Variants in TLN2 observed in about 807,000 individuals in gnomAD.
TLN2 encodes the protein talin-2.
A neutral mutation model predicts 294.7 loss-of-function variants in TLN2; 118 were observed. The ratio of observed to expected loss-of-function variants is 0.40; its 90% CI spans 0.34 to 0.47. The LOEUF is 0.47. Among genes scored for constraint, TLN2 ranks in the 20% least tolerant of loss-of-function variants. TLN2 has a pLI of 0.84. For synonymous variants in TLN2, 1,431 were observed against 1,304.5 expected (o/e 1.10, Z -2.09); for missense variants, 3,083 against 3,282.2 (o/e 0.94, Z 1.48).
intron 5 of TLN2, among the ~76,000 whole-genome samples, chr15:62,651,194 TC>T (rs1237938831): frequency 6.6e-6 from 1 of 152,226 alleles, no homozygotes; most frequent in Non-Finnish European, 1.5e-5. Flanking sequence ...CTGCTAATTC[TC>T]CTTAGAGCAG....
At chr15:62,479,348 T>C (rs1595897036) in intron 1 of TLN2, among the ~76,000 whole-genome samples, 1 of 152,332 alleles carries the variant, frequency 6.6e-6, no homozygotes, top group East Asian at 1.9e-4. Flanking sequence ...GCTATGCCCT[T>C]AGACTGGTGT....
chr15:62,801,287 G>C (rs2065911270), intron 50 of TLN2, among the ~76,000 whole-genome samples: 1 of 152,160 alleles, frequency 6.6e-6, no homozygotes, highest in Non-Finnish European at 1.5e-5. Flanking sequence ...AATTGACCCT[G>C]TTCTTTTCTG....
At chr15:62,740,860 G>C in intron 32 of TLN2, 91 bp downstream of exon 32, 2 of 1,549,928 alleles carry the variant, frequency 1.3e-6, no homozygotes, top group Non-Finnish European at 1.8e-6. Context: ...CTTTTGCTGA[G>C]CAAAAGAATT....
intron 1 of TLN2, among the ~76,000 whole-genome samples, chr15:62,437,966 A>G (rs1226897026): frequency 1.3e-5 from 2 of 152,192 alleles, no homozygotes; most frequent in East Asian, 3.8e-4. Flanking sequence ...CCACACATCT[A>G]TGGACCATCC....
chr15:62,631,269 T>G (rs553115088), intron 3 of TLN2, among the ~76,000 whole-genome samples: 39 of 152,220 alleles, frequency 2.6e-4, no homozygotes, highest in African/African-American at 8.4e-4. Flanking sequence ...CTCTTAATAC[T>G]GTTGTATTGG....
chr15:62,444,085 G>A (rs995613444), intron 1 of TLN2, among the ~76,000 whole-genome samples: 25 of 152,232 alleles, frequency 1.6e-4, no homozygotes, highest in African/African-American at 6.0e-4. Context: ...ACCGATGTGA[G>A]CCTTGGAGGG....
Position 62,605,167 on chromosome 15 carries a change from A to G in TLN2, c.-161-13184A>G, listed in dbSNP as rs564117175. Among the ~76,000 whole-genome samples the G allele has an allele frequency of 5.9e-5, 9 of 152,314 alleles. No individual in the cohort carries two copies. The South Asian group carries it at 1.9e-3, about 32-fold the overall frequency. On this transcript the variant is annotated intron_variant, in intron 2 of 58. Coordinates refer to ENST00000636159, the MANE Select transcript of TLN2 (RefSeq NM_015059.3). ...GCTGAATATATTAGAAAGTAGGTCA[A>G]ATTTTCTCATGTTTATGAATGAGGT...
chr15:62,839,802 C>A (rs1417597899), intron 58 of TLN2, among the ~76,000 whole-genome samples: 1 of 152,190 alleles, frequency 6.6e-6, no homozygotes, highest in Non-Finnish European at 1.5e-5. Flanking sequence ...TGAGAAGTTT[C>A]ACAGAGAAGG....
Position 62,415,205 on chromosome 15 carries a change from G to A in TLN2, c.-238+24520G>A, listed in dbSNP as rs542963389. 3.5e-5 allele frequency among the ~76,000 whole-genome samples: 5 copies of A among 141,690 alleles called. 2 individuals are homozygous for A. In the East Asian group the frequency reaches 1.7e-3, roughly 49 times the overall value. The allele number at this position is 141,690 out of a possible 152,430, so 93.0% of individuals were successfully genotyped here. ...TTACAGGCGTGAGCCACTGTGTCAA[G>A]GATGCCTTTGATAGTCATGTTCCTA... On this transcript the variant is annotated intron_variant, in intron 1 of 58. Transcript: ENST00000636159.
At chr15:62,451,471 AT>A (rs1387252976) in intron 1 of TLN2, among the ~76,000 whole-genome samples, 1 of 152,154 alleles carries the variant, frequency 6.6e-6, no homozygotes, top group Non-Finnish European at 1.5e-5. Flanking sequence ...CCTGGCTAAC[AT>A]GGGTGAAACC....
intron 58 of TLN2, among the ~76,000 whole-genome samples, chr15:62,839,971 AG>A (rs1455477914): frequency 2.9e-4 from 44 of 152,302 alleles, no homozygotes; most frequent in African/African-American, 1.0e-3. Context: ...CCTATCAGCA[AG>A]TCTTCCTCAG....
intron 52 of TLN2, among the ~76,000 whole-genome samples, chr15:62,812,100 C>G (rs75547755): frequency 0.078 from 11,933 of 152,106 alleles, 1,598 homozygotes; most frequent in African/African-American, 0.27. Flanking sequence ...GTGGGTGGTA[C>G]TTGCTAACGG....
chr15:62,492,679 C>T (rs1274706837), intron 1 of TLN2, among the ~76,000 whole-genome samples: 1 of 151,908 alleles, frequency 6.6e-6, no homozygotes, highest in African/African-American at 2.4e-5. Context: ...CGCATTTCCC[C>T]CCATAGATTC....
intron 25 of TLN2, among the ~76,000 whole-genome samples, chr15:62,722,047 C>G (rs577869669): frequency 3.8e-4 from 58 of 152,198 alleles, no homozygotes; most frequent in African/African-American, 1.3e-3. Context: ...TACAGTGAAA[C>G]CTATTTAATA....
At chr15:62,668,437 A>G (rs564874296) in intron 9 of TLN2, among the ~76,000 whole-genome samples, 2 of 152,298 alleles carry the variant, frequency 1.3e-5, no homozygotes, top group South Asian at 2.1e-4. Context: ...GCTCCCCTAA[A>G]TGTGTTAAAT....
At chr15:62,678,469 C>T (rs1423949056) in intron 11 of TLN2, among the ~76,000 whole-genome samples, 1 of 152,208 alleles carries the variant, frequency 6.6e-6, no homozygotes, top group African/African-American at 2.4e-5. Flanking sequence ...TGTGCTTGCT[C>T]ACCATGATAG....
chr15:62,753,409 C>T (rs955911678), intron 35 of TLN2, among the ~76,000 whole-genome samples: 1 of 152,194 alleles, frequency 6.6e-6, no homozygotes, highest in Non-Finnish European at 1.5e-5. Context: ...CTCCTGTCTG[C>T]CAGCCAAAGA....
At chr15:62,458,781 T>A (rs994780979) in intron 1 of TLN2, among the ~76,000 whole-genome samples, 1 of 151,550 alleles carries the variant, frequency 6.6e-6, no homozygotes, top group African/African-American at 2.4e-5. Context: ...AAAGAAAAAA[T>A]AAAAAACTCA....
At chr15:62,655,783 C>G (rs867461890) in intron 7 of TLN2, among the ~76,000 whole-genome samples, 161 bp from the exon 8 acceptor site, 4 of 152,148 alleles carry the variant, frequency 2.6e-5, no homozygotes, top group Non-Finnish European at 5.9e-5. Flanking sequence ...AATTATTTTG[C>G]AAAGCTTAAA....
Sources: gnomAD v4.1 joint callset for allele counts (sites outside exome capture counted in the v4.1 genomes callset) on GRCh38, gnomAD v4.1.1 for gene constraint, MANE v1.5 for transcripts, NCBI Gene and HGNC (gene_info 2026-07-23, HGNC 2026-07-21) for gene names.